RELN: variants seen among roughly 807,000 people sequenced by gnomAD.
RELN encodes reelin.
A neutral mutation model predicts 427.6 loss-of-function variants in RELN; 108 were observed. That is an observed-to-expected ratio of 0.25 (90% confidence interval 0.22 to 0.30). The LOEUF is 0.30. RELN is among the 10% of genes least tolerant of loss of function. RELN has a pLI of 1.00. For missense variants in RELN, 3,715 were observed against 4,302.8 expected (o/e 0.86, Z 3.82); for synonymous variants, 1,524 against 1,513.4 (o/e 1.01, Z -0.16).
intron 1 of RELN, among the ~76,000 whole-genome samples, chr7:103,956,152 T>C (rs564312272): frequency 2.3e-3 from 349 of 152,284 alleles, no homozygotes; most frequent in Non-Finnish European, 3.7e-3. Flanking sequence ...TTTATCTACA[T>C]TGCTCATAGA....
In RELN at chr7:103,873,639, T is replaced by C. The variant is rs1307346806; in HGVS notation, c.338-39967A>G. 8.5e-4 allele frequency among the ~76,000 whole-genome samples: 106 copies of C among 125,348 alleles called. 3 individuals are homozygous for C. In the East Asian group the frequency reaches 0.025, roughly 29 times the overall value. The allele number at this position is 125,348 out of a possible 152,430, so 82.2% of individuals were successfully genotyped here. A position where few individuals can be genotyped will look rare whatever the true frequency, so the allele number is the denominator to read the frequency against. ...GATAAATTCCTCGACACATACACTCTCCCAAGACTAAACCAGGAAGAAGTT... is the reference window on the plus strand; with the variant it reads ...GATAAATTCCTCGACACATACACTCCCCCAAGACTAAACCAGGAAGAAGTT... On this transcript the variant is annotated intron_variant, in intron 2 of 64. Transcript: ENST00000428762.
intron 46 of RELN, among the ~76,000 whole-genome samples, chr7:103,525,668 C>T (rs761509375): frequency 7.3e-5 from 11 of 151,304 alleles, no homozygotes; most frequent in South Asian, 2.1e-4. Context: ...CATAATTACT[C>T]GGAGCCAACA....
chr7:103,511,471 G>A (rs1458025297), intron 50 of RELN, among the ~76,000 whole-genome samples: 1 of 152,084 alleles, frequency 6.6e-6, no homozygotes, highest in Non-Finnish European at 1.5e-5. Flanking sequence ...AGGGAATAGA[G>A]TTAACTACTA....
intron 2 of RELN, among the ~76,000 whole-genome samples, chr7:103,909,129 G>A (rs1205432402): frequency 6.6e-6 from 1 of 152,156 alleles, no homozygotes; most frequent in African/African-American, 2.4e-5. Flanking sequence ...GTGAATGGCT[G>A]TCCCTCTTCA....
chr7:103,827,534 G>A (rs1793172942), intron 3 of RELN, among the ~76,000 whole-genome samples: 1 of 151,962 alleles, frequency 6.6e-6, no homozygotes, highest in Non-Finnish European at 1.5e-5. Flanking sequence ...CTGACCTCAA[G>A]CATTTGACCA....
At chr7:103,916,240 T>A (rs1039641345) in intron 2 of RELN, among the ~76,000 whole-genome samples, 1 of 152,134 alleles carries the variant, frequency 6.6e-6, no homozygotes. Flanking sequence ...GAAAATTTAT[T>A]TATTTGACAA....
At position 103,825,000 on chromosome 7, in the gene RELN, G is replaced by A. The variant is rs190256860; in HGVS notation, c.473+8537C>T. 1.3e-5 allele frequency among the ~76,000 whole-genome samples: 2 copies of A among 151,888 alleles called. No homozygotes were observed. Among genetic ancestry groups the A allele is most frequent in the South Asian group, 2.1e-4 (1 of 4,814 alleles). ...CTTCAAATAATAGGTGGTTCTAGGAGAGTAAAGGAACTTAGTAGGCTGCCT... is the reference window on the plus strand; with the variant it reads ...CTTCAAATAATAGGTGGTTCTAGGAAAGTAAAGGAACTTAGTAGGCTGCCT... On this transcript the variant is annotated intron_variant, in intron 3 of 64. Transcript: ENST00000428762. This position sits in a 1 kb window ranked among gnomAD's most constrained non-coding sequence, Gnocchi z 4.4.
intron 11 of RELN, among the ~76,000 whole-genome samples, chr7:103,679,636 T>C (rs1264790827): frequency 6.6e-6 from 1 of 152,166 alleles, no homozygotes; most frequent in African/African-American, 2.4e-5. Context: ...TTTCCTCTGA[T>C]GTTCCTCTGT....
chr7:103,786,473 C>T (rs766582960), intron 3 of RELN, among the ~76,000 whole-genome samples: 1 of 143,814 alleles, frequency 7.0e-6, no homozygotes, highest in Non-Finnish European at 1.5e-5. Flanking sequence ...CACACATAGG[C>T]CCAAAATAAA....
At chr7:103,474,380 A>C (rs1827958332) in intron 64 of RELN, among the ~76,000 whole-genome samples, 1 of 152,180 alleles carries the variant, frequency 6.6e-6, no homozygotes, top group African/African-American at 2.4e-5. Context: ...AGAAACAATA[A>C]AATGGAAACA....
At chr7:103,482,706 CT>C (rs1828284692) in intron 63 of RELN, 166 bp downstream of exon 63, 1 of 902,426 alleles carries the variant, frequency 1.1e-6, no homozygotes. Flanking sequence ...TGCTATTTCA[CT>C]GATGATTTGA....
intron 28 of RELN, 92 bp from the exon 29 acceptor site, chr7:103,575,797 C>T: frequency 7.2e-7 from 1 of 1,392,738 alleles, no homozygotes; most frequent in Admixed American, 1.7e-5. Context: ...TCAACAGAGA[C>T]TTAATATTTA....
chr7:103,629,930 A>T lies in RELN; in HGVS notation c.2702+10T>A. On this transcript the variant is annotated intron_variant, in intron 20 of 64. Transcript: ENST00000428762. The stretch of plus-strand genomic sequence containing the variant: ...GCAAATTGTAACAATAACAATGATG[A>T]AATCCTTACCAAAGGGTCCAGTCGT... 1 of 1,500,936 alleles carries T rather than the reference A, an allele frequency of 6.7e-7. No individual in the cohort carries two copies. Among genetic ancestry groups the T allele is most frequent in the Non-Finnish European group, 9.3e-7 (1 of 1,076,930 alleles). The allele number at this position is 1,500,936 out of a possible 1,614,324, so 93.0% of individuals were successfully genotyped here.
At chr7:103,940,152 C>T (rs762407077) in intron 1 of RELN, among the ~76,000 whole-genome samples, 27 of 152,114 alleles carry the variant, frequency 1.8e-4, no homozygotes, top group African/African-American at 2.4e-4. Flanking sequence ...GTATTTGCCT[C>T]GGTAATTTAC....
chr7:103,586,220 G>A (rs3109325), intron 28 of RELN, among the ~76,000 whole-genome samples: 15 of 151,874 alleles, frequency 9.9e-5, no homozygotes, highest in Middle Eastern at 3.2e-3. Context: ...AAAATTAGCC[G>A]GGCATGGTGA....
intron 9 of RELN, among the ~76,000 whole-genome samples, chr7:103,700,261 G>A (rs1291813144): frequency 6.6e-6 from 1 of 151,984 alleles, no homozygotes; most frequent in African/African-American, 2.4e-5. Flanking sequence ...GGTTTAAACT[G>A]TTCAGTAGTG....
At position 103,631,286 on chromosome 7, in the gene RELN, C is replaced by CTTTTTTTTTT. The variant is rs545808640; in HGVS notation, c.2466-1120_2466-1111dup. ...CAGAAATAAAACTTTAAAAACACTT[C>CTTTTTTTTTT]TTTTTTTTTTTTTTTTTTTTTTTTT... On this transcript the variant is annotated intron_variant, in intron 19 of 64. Transcript: ENST00000428762. 2.1e-3 allele frequency among the ~76,000 whole-genome samples: 164 copies of CTTTTTTTTTT among 77,800 alleles called. 11 individuals carry two copies. Among genetic ancestry groups the CTTTTTTTTTT allele is most frequent in the Non-Finnish European group, 2.4e-3 (106 of 43,684 alleles). 51.0% of individuals were successfully genotyped at this position (77,800 alleles called of 152,430 possible).
Position 103,561,596 on chromosome 7 carries a change from C to G in RELN, c.5465G>C (p.Gly1822Ala), listed in dbSNP as rs141734678. ...ACCATTCAGATTCCCCCTCTCTGCA[C>G]CATACACTTCAGGCCAAAGGTCAGG... is the stretch of plus-strand genomic sequence containing the variant. Reference protein sequence around the residue: ...LHPDLWPEVYGAERGNLNGET... With the variant: ...LHPDLWPEVYAAERGNLNGET... Residue 1822 changes from glycine (G) to alanine (A), a missense_variant, in exon 36 of 65, where the codon GGT becomes GCT. Gly to Ala is a moderately conservative substitution (Grantham distance 60). Around this residue, in one of 4 missense-constraint regions of RELN, gnomAD observed 2,208 missense variants for 2,361.7 expected, o/e 0.93. Transcript: ENST00000428762. 7 of 1,613,746 alleles carry G rather than the reference C, an allele frequency of 4.3e-6. No homozygotes were observed. The African/African-American group carries it at 9.4e-5, about 22-fold the overall frequency.
chr7:103,974,191 C>T (rs1275223924), intron 1 of RELN, among the ~76,000 whole-genome samples: 1 of 152,154 alleles, frequency 6.6e-6, no homozygotes. Flanking sequence ...TTTTCTGTGA[C>T]AGGCATAATG....
Sources: gnomAD v4.1 joint callset for allele counts (sites outside exome capture counted in the v4.1 genomes callset) on GRCh38, gnomAD v4.1.1 for gene constraint, gnomAD v4.1.1 regional missense constraint, Gnocchi (gnomAD v3.1) non-coding constraint, MANE v1.5 for transcripts, NCBI Gene and HGNC (gene_info 2026-07-23, HGNC 2026-07-21) for gene names.